Variants in JMJD1C observed in about 807,000 individuals in gnomAD.
JMJD1C encodes the protein jumonji domain containing 1C.
Under a neutral mutation model 245.3 loss-of-function variants are expected in JMJD1C, and 31 were observed. The ratio of observed to expected loss-of-function variants is 0.13; its 90% CI spans 0.09 to 0.17. The LOEUF is 0.17. Ranked by LOEUF, JMJD1C falls within the 10% of genes least tolerant of loss-of-function variation. The pLI is 1.00. For missense variants in JMJD1C, 2,691 were observed against 3,000.2 expected (o/e 0.90, Z 2.41); for synonymous variants, 1,057 against 1,017.4 (o/e 1.04, Z -0.74).
chr10:63,201,055 T>C (rs1171257183), intron 10 of JMJD1C, among the ~76,000 whole-genome samples: 2 of 152,184 alleles, frequency 1.3e-5, no homozygotes, highest in South Asian at 2.1e-4. Context: ...TTGGTTTACA[T>C]AGGAGAAAGC....
chr10:63,464,390 T>C (rs1953032424), intron 1 of JMJD1C, among the ~76,000 whole-genome samples: 1 of 152,176 alleles, frequency 6.6e-6, no homozygotes, highest in South Asian at 2.1e-4. Context: ...TAGATACCTG[T>C]ACAAATATTA....
chr10:63,289,452 C>T (rs943497919), intron 2 of JMJD1C, among the ~76,000 whole-genome samples: 1 of 152,118 alleles, frequency 6.6e-6, no homozygotes, highest in African/African-American at 2.4e-5. Context: ...GAAATATCAA[C>T]TAAAACAGCA....
chr10:63,281,368 C>T (rs1226513208), intron 2 of JMJD1C, among the ~76,000 whole-genome samples: 3 of 125,108 alleles, frequency 2.4e-5, no homozygotes, highest in Non-Finnish European at 5.4e-5. Flanking sequence ...ACCATGTCGG[C>T]CAGACTGGTT....
chr10:63,204,090 C>T (rs1439185192), intron 10 of JMJD1C: 2 of 896,092 alleles, frequency 2.2e-6, no homozygotes, highest in Non-Finnish European at 2.7e-6. Context: ...ATATCCACTG[C>T]ACTCCAGTCT....
intron 2 of JMJD1C, among the ~76,000 whole-genome samples, chr10:63,281,778 C>T (rs1254887966): frequency 1.3e-5 from 2 of 151,914 alleles, no homozygotes; most frequent in Non-Finnish European, 2.9e-5. Context: ...CAATCCTTTA[C>T]CTCTTGAGGA....
intron 10 of JMJD1C, chr10:63,204,442 T>C: frequency 1.0e-6 from 1 of 985,338 alleles, no homozygotes; most frequent in South Asian, 4.7e-5. Context: ...TTCATAAATT[T>C]AACTTCACAA....
At chr10:63,247,997 G>A (rs1231257174) in intron 3 of JMJD1C, among the ~76,000 whole-genome samples, 1 of 152,170 alleles carries the variant, frequency 6.6e-6, no homozygotes, top group Admixed American at 6.5e-5. Flanking sequence ...GGGAAGCCGA[G>A]GTAGTGGATC....
chr10:63,413,241 G>C (rs1949592600), intron 1 of JMJD1C, among the ~76,000 whole-genome samples: 1 of 152,132 alleles, frequency 6.6e-6, no homozygotes, highest in Non-Finnish European at 1.5e-5. Context: ...TCAAAGACAA[G>C]CAACCTTCAT....
At chr10:63,511,774 C>A (rs986583794) in intron 1 of JMJD1C, among the ~76,000 whole-genome samples, 2 of 151,916 alleles carry the variant, frequency 1.3e-5, no homozygotes, top group Non-Finnish European at 2.9e-5. Flanking sequence ...ATATGTAGCA[C>A]CAACGTTTTG....
intron 1 of JMJD1C, among the ~76,000 whole-genome samples, chr10:63,387,180 T>C (rs1264303597): frequency 6.6e-6 from 1 of 152,154 alleles, no homozygotes; most frequent in Non-Finnish European, 1.5e-5. Context: ...TCCTCCCCTA[T>C]GAAAGGAAAT....
At chr10:63,237,353 A>AAAC (rs1554850230) in intron 3 of JMJD1C, among the ~76,000 whole-genome samples, 3 of 151,354 alleles carry the variant, frequency 2.0e-5, no homozygotes, top group African/African-American at 4.9e-5. Context: ...CTCACTAAAA[A>AAAC]TTTTTTTTTA....
At chr10:63,378,362 C>T (rs755993770) in intron 2 of JMJD1C, among the ~76,000 whole-genome samples, 5 of 152,000 alleles carry the variant, frequency 3.3e-5, no homozygotes, top group Admixed American at 1.3e-4. Flanking sequence ...AGGGCCGAGG[C>T]GGGTGGATCA....
chr10:63,347,550 C>G (rs1188528994), intron 2 of JMJD1C, among the ~76,000 whole-genome samples: 1 of 147,716 alleles, frequency 6.8e-6, no homozygotes, highest in African/African-American at 2.5e-5. Context: ...CGCCACTGCA[C>G]TCCAGCTTGG....
rs201946125 is a variant in JMJD1C at position 63,217,190 on chromosome 10, T to A, written c.678+17A>T. The A allele has an allele frequency of 1.2e-4, 186 of 1,594,682 alleles. 1 individual carries two copies. In the Middle Eastern group the frequency reaches 1.2e-3, roughly 10 times the overall value. The stretch of plus-strand genomic sequence containing the variant: ...AACTTTTAAAATCTCTATAAAAATA[T>A]TAGTGGAACTATTTACCTGATCATT... On this transcript the variant is annotated intron_variant, in intron 5 of 25. Transcript: ENST00000399262.
intron 1 of JMJD1C, among the ~76,000 whole-genome samples, chr10:63,421,559 T>C (rs1165839376): frequency 6.6e-6 from 1 of 152,204 alleles, no homozygotes; most frequent in African/African-American, 2.4e-5. Context: ...ATTTGTACTT[T>C]GTGTACTTTT....
At chr10:63,281,066 C>A (rs984524401) in intron 2 of JMJD1C, among the ~76,000 whole-genome samples, 10 of 151,422 alleles carry the variant, frequency 6.6e-5, no homozygotes, top group Admixed American at 1.3e-4. Context: ...ATCTCCTGAC[C>A]TCGTGATTCA....
At chr10:63,360,085 G>A (rs940446052) in intron 2 of JMJD1C, among the ~76,000 whole-genome samples, 2 of 152,050 alleles carry the variant, frequency 1.3e-5, no homozygotes, top group South Asian at 2.1e-4. Flanking sequence ...TGAGGCAGGA[G>A]AATCAATAGA....
chr10:63,194,243 A>T, intron 14 of JMJD1C, 43 bp downstream of exon 14: 1 of 1,209,930 alleles, frequency 8.3e-7, no homozygotes, highest in Non-Finnish European at 1.2e-6. Flanking sequence ...CTTAATCTGG[A>T]GCAACCAAGA....
intron 10 of JMJD1C, chr10:63,202,651 T>C (rs1017418680): frequency 1.0e-6 from 1 of 985,336 alleles, no homozygotes; most frequent in Non-Finnish European, 1.2e-6. Flanking sequence ...CCATTTGGCT[T>C]AATCCACTAG....
Sources: allele counts gnomAD v4.1 joint callset (sites outside exome capture counted in the v4.1 genomes callset), GRCh38; gene constraint gnomAD v4.1.1; transcripts MANE v1.5; gene names NCBI Gene and HGNC (gene_info 2026-07-23, HGNC 2026-07-21).